CD48: variants seen among roughly 807,000 people sequenced by gnomAD.
CD48 encodes the protein CD48 antigen.
Under a neutral mutation model 22.0 loss-of-function variants are expected in CD48, and 20 were observed. That is an observed-to-expected ratio of 0.91 (90% confidence interval 0.64 to 1.32). CD48 has a LOEUF of 1.32. CD48 is among the 40% of genes most tolerant of loss of function. The probability of loss-of-function intolerance (pLI) is 0.00; values close to 1 mark genes in which losing one functional copy is unlikely to be tolerated. For missense variants in CD48, 307 were observed against 286.5 expected (o/e 1.07, Z -0.52); for synonymous variants, 110 against 110.1 (o/e 1.00, Z 0.01).
In CD48 at chr1:160,700,560, C is replaced by T. The variant is rs2102430647; in HGVS notation, c.82+11122G>A. 2.0e-5 allele frequency among the ~76,000 whole-genome samples: 3 copies of T among 152,222 alleles called. No homozygotes were observed. In the East Asian group the frequency reaches 5.8e-4, roughly 29 times the overall value. ...AAGCAAAAACTAGAAGCTGAAAAGG[C>T]TGAAATGGCTGTACTCTAGATAACT... On this transcript the variant is annotated intron_variant, in intron 1 of 3. Transcript: ENST00000368046.
intron 3 of CD48, 186 bp downstream of exon 3, chr1:160,681,016 G>C: frequency 6.8e-7 from 1 of 1,464,314 alleles, no homozygotes; most frequent in Non-Finnish European, 9.0e-7. Flanking sequence ...CCACGAAGTT[G>C]AGGTAAGCTG....
intron 3 of CD48, chr1:160,680,716 G>A (rs752164249): frequency 3.9e-6 from 4 of 1,020,324 alleles, no homozygotes; most frequent in Non-Finnish European, 4.7e-6. Context: ...ACGCCTCCTC[G>A]ACGGCCTCTC....
chr1:160,681,460 G>C lies in CD48; in HGVS notation c.394C>G (p.Pro132Ala). ...KIKLQVLDPV[P>A]KPVIKIEKIE... ...TTCTCAATTTTGATGACAGGCTTGG[G>C]TACAGGGTCTGAAAGTGAGGAGGAT... Residue 132 changes from proline to alanine, a missense_variant, in exon 3 of 4, where the codon CCC (proline) becomes GCC (alanine). By Grantham distance (27) the Pro-to-Ala change is conservative. Transcript: ENST00000368046. The C allele has an allele frequency of 6.2e-7, 1 of 1,613,890 alleles. No homozygotes were observed. Among genetic ancestry groups the C allele is most frequent in the Non-Finnish European group, 8.5e-7 (1 of 1,179,874 alleles).
chr1:160,679,776 G>A (rs1474347858), intron 3 of CD48, among the ~76,000 whole-genome samples: 3 of 152,162 alleles, frequency 2.0e-5, no homozygotes, highest in Non-Finnish European at 2.9e-5. Flanking sequence ...ATTTATTATT[G>A]CTTTTATCCT....
At chr1:160,703,114 C>T (rs1662685629) in intron 1 of CD48, among the ~76,000 whole-genome samples, 2 of 152,206 alleles carry the variant, frequency 1.3e-5, no homozygotes, top group East Asian at 1.9e-4. Flanking sequence ...GAGAAACTAT[C>T]GGAGCCTGTG....
chr1:160,688,739 G>A (rs1571055041), intron 1 of CD48, among the ~76,000 whole-genome samples: 1 of 152,284 alleles, frequency 6.6e-6, no homozygotes, highest in East Asian at 1.9e-4. Flanking sequence ...GAGGCTTGGG[G>A]GGCGGGTAAT....
chr1:160,693,597 C>A (rs1267709741), intron 1 of CD48, among the ~76,000 whole-genome samples: 44 of 151,850 alleles, frequency 2.9e-4, no homozygotes, highest in African/African-American at 1.0e-3. Flanking sequence ...ACTATTCAAG[C>A]TACTACAACA....
intron 1 of CD48, among the ~76,000 whole-genome samples, chr1:160,689,734 T>C (rs1438407141): frequency 6.6e-6 from 1 of 152,184 alleles, no homozygotes; most frequent in Non-Finnish European, 1.5e-5. Context: ...GTTTTTTGTC[T>C]GTGGTTTTAG....
At chr1:160,680,769 G>A (rs977672396) in intron 3 of CD48, 13 of 1,071,242 alleles carry the variant, frequency 1.2e-5, no homozygotes, top group East Asian at 6.7e-5. Flanking sequence ...GCTGACTTTG[G>A]CGGTCTAATG....
intron 1 of CD48, chr1:160,686,557 A>C (rs912808447): frequency 1.3e-5 from 2 of 152,238 alleles, no homozygotes; most frequent in African/African-American, 4.8e-5. Context: ...CTAAGCAGCT[A>C]TCGGGGAATC....
chr1:160,683,858 A>C (rs960811575), intron 2 of CD48: 2 of 152,190 alleles, frequency 1.3e-5, no homozygotes, highest in African/African-American at 4.8e-5. Flanking sequence ...TGGATTATTT[A>C]GCCCCGCTCT....
intron 1 of CD48, among the ~76,000 whole-genome samples, chr1:160,687,993 C>T (rs146893902): frequency 2.3e-4 from 35 of 152,278 alleles, no homozygotes; most frequent in Non-Finnish European, 3.7e-4. Context: ...TATAGGAATA[C>T]GGGGTGATGC....
Position 160,681,480 on chromosome 1 carries a change from G to A in CD48, c.386-12C>T, listed in dbSNP as rs1409545850. 20 of 1,612,196 alleles carry A rather than the reference G, an allele frequency of 1.2e-5. No homozygotes were observed. Among genetic ancestry groups the A allele is most frequent in the Non-Finnish European group, 1.6e-5 (19 of 1,178,978 alleles). On this transcript the variant is annotated splice_polypyrimidine_tract_variant and intron_variant, in intron 2 of 3. Coordinates refer to ENST00000368046, the MANE Select transcript of CD48 (RefSeq NM_001778.4). ...CTTGGGTACAGGGTCTGAAAGTGAG[G>A]AGGATGTTATAAGATGAGACAGTGA...
At position 160,681,379 on chromosome 1, in the gene CD48, C is replaced by A; in HGVS notation, c.475G>T (p.Glu159Ter). The A allele has an allele frequency of 6.2e-7, 1 of 1,614,168 alleles. No homozygotes were observed. Among genetic ancestry groups the A allele is most frequent in the Non-Finnish European group, 8.5e-7 (1 of 1,180,026 alleles). Residue 159 changes from glutamate to a stop codon, truncating the protein, a stop_gained, in exon 3 of 4, where the codon GAG becomes TAG. Transcript: ENST00000368046. LOFTEE classifies it high-confidence loss of function. ...YLKLSCVIPG[E>*]SVNYTWYGDK... is the part of the protein sequence containing the mutation. ...CCATACCAGGTGTAGTTTACAGACTCGCCAGGTATCACACATGACAGTTTC... is the reference window on the plus strand; with the variant it reads ...CCATACCAGGTGTAGTTTACAGACTAGCCAGGTATCACACATGACAGTTTC...
intron 2 of CD48, 189 bp downstream of exon 2, chr1:160,684,698 G>C: frequency 6.7e-7 from 1 of 1,492,946 alleles, no homozygotes; most frequent in East Asian, 2.4e-5. Flanking sequence ...TCCTAAGATT[G>C]TTAATTTGGA....
At chr1:160,709,691 C>A (rs1662894514) in intron 1 of CD48, among the ~76,000 whole-genome samples, 1 of 152,142 alleles carries the variant, frequency 6.6e-6, no homozygotes, top group East Asian at 1.9e-4. Flanking sequence ...ACAGAAGCAT[C>A]CCTTACGGCA....
intron 1 of CD48, among the ~76,000 whole-genome samples, chr1:160,708,880 A>G (rs1662869451): frequency 6.6e-6 from 1 of 152,194 alleles, no homozygotes; most frequent in Non-Finnish European, 1.5e-5. Context: ...CTTAGAAAAG[A>G]CCATGCAGCA....
chr1:160,694,191 C>T (rs1662326805), intron 1 of CD48, among the ~76,000 whole-genome samples: 2 of 152,168 alleles, frequency 1.3e-5, no homozygotes, highest in African/African-American at 2.4e-5. Flanking sequence ...GACAGGATTG[C>T]TCGATTATTA....
At chr1:160,680,545 G>A (rs946357690) in intron 3 of CD48, 26 of 988,398 alleles carry the variant, frequency 2.6e-5, no homozygotes, top group Non-Finnish European at 2.9e-5. Flanking sequence ...TAAAACCCAT[G>A]GCCTTAGCTG....
Sources: allele counts gnomAD v4.1 joint callset (sites outside exome capture counted in the v4.1 genomes callset), GRCh38; gene constraint gnomAD v4.1.1; transcripts MANE v1.5; gene names NCBI Gene and HGNC (gene_info 2026-07-23, HGNC 2026-07-21).